The following ACACA variants were observed in gnomAD, a reference collection of about 807,000 sequenced individuals.
ACACA encodes the protein acetyl-CoA carboxylase alpha, also known as acetyl-CoA carboxylase 1.
In ACACA, 103 loss-of-function variants were observed where a neutral mutation model predicts 296.1. That is an observed-to-expected ratio of 0.35 (90% CI 0.30 to 0.41). The LOEUF is 0.41. Ranked by LOEUF, ACACA falls within the 10% of genes least tolerant of loss-of-function variation. ACACA has a pLI of 1.00. For missense variants in ACACA, 1,554 were observed against 2,989.7 expected, an observed-to-expected ratio of 0.52 and a Z score of 11.20; for synonymous variants, 953 against 1,038.6, an observed-to-expected ratio of 0.92 and a Z score of 1.58.
chr17:37,335,006 C>T (rs989310858), intron 2 of ACACA, among the ~76,000 whole-genome samples: 2 of 152,080 alleles, frequency 1.3e-5, no homozygotes, highest in East Asian at 3.9e-4. Context: ...TTCACTCATA[C>T]CAGTATGTCT....
chr17:37,086,419 A>G lies in ACACA; in HGVS notation c.*897T>C, dbSNP rs2072204571. 1 of 152,276 alleles carries G rather than the reference A, an allele frequency of 6.6e-6. No homozygotes were observed. 9.4% of individuals were successfully genotyped at this position (152,276 alleles called of 1,614,324 possible). A position where few individuals can be genotyped will look rare whatever the true frequency, so the allele number is the denominator to read the frequency against. Reference sequence around the variant, plus strand: ...ATCTCACTGGCTCTCCACATGGCATAAATAACTAGTTTCCACCAGTGCAGA... The same window carrying G: ...ATCTCACTGGCTCTCCACATGGCATGAATAACTAGTTTCCACCAGTGCAGA... On this transcript the variant is annotated 3_prime_UTR_variant, in exon 56 of 56. Transcript: ENST00000616317.
intron 1 of ACACA, among the ~76,000 whole-genome samples, chr17:37,395,378 T>C (rs1229103148): frequency 1.7e-4 from 26 of 148,850 alleles, no homozygotes; most frequent in Admixed American, 1.2e-3. Flanking sequence ...TGCGGTGAGC[T>C]GAGATCGTGT....
rs541290887 is a variant in ACACA at position 37,219,259 on chromosome 17, G to T, written c.3683+2465C>A. On this transcript the variant is annotated intron_variant, in intron 29 of 55. Transcript: ENST00000616317. ...TGGTGAACACATGGATGTGCTGAGAGGGTTGATAAACTCTGATTCCACAGG... is the reference window on the plus strand; with the variant it reads ...TGGTGAACACATGGATGTGCTGAGATGGTTGATAAACTCTGATTCCACAGG... Among the ~76,000 whole-genome samples the T allele has an allele frequency of 9.8e-5, 15 of 152,290 alleles. No individual in the cohort carries two copies. The South Asian group carries it at 1.9e-3, about 19-fold the overall frequency.
intron 52 of ACACA, among the ~76,000 whole-genome samples, chr17:37,099,067 G>A (rs1664307): frequency 9.9e-5 from 15 of 152,210 alleles, no homozygotes; most frequent in Admixed American, 2.0e-4. Flanking sequence ...ATAGGATGCA[G>A]AAGAGGAAGG....
chr17:37,346,623 A>G (rs1193457580), intron 1 of ACACA, among the ~76,000 whole-genome samples: 3 of 150,136 alleles, frequency 2.0e-5, no homozygotes, highest in Non-Finnish European at 4.4e-5. Context: ...AATGGCGTGA[A>G]CCTGAAAGGT....
intron 1 of ACACA, among the ~76,000 whole-genome samples, chr17:37,356,149 A>G (rs768021029): frequency 2.0e-5 from 3 of 152,026 alleles, no homozygotes; most frequent in Non-Finnish European, 2.9e-5. Context: ...GCCTGGGCAA[A>G]AGAGCGAGAC....
At chr17:37,382,707 A>G (rs960929202) in intron 1 of ACACA, among the ~76,000 whole-genome samples, 7 of 152,244 alleles carry the variant, frequency 4.6e-5, no homozygotes, top group African/African-American at 1.7e-4. Flanking sequence ...TAAAAATACA[A>G]AAATTAGCTG....
At chr17:37,348,760 G>C (rs1334943940) in intron 1 of ACACA, among the ~76,000 whole-genome samples, 1 of 151,752 alleles carries the variant, frequency 6.6e-6, no homozygotes, top group Non-Finnish European at 1.5e-5. Context: ...AGGAGATTGA[G>C]ACCACGGTGA....
At chr17:37,241,835 A>G in intron 23 of ACACA, 118 bp downstream of exon 23, 1 of 769,508 alleles carries the variant, frequency 1.3e-6, no homozygotes, top group Non-Finnish European at 2.3e-6. Context: ...TTTCTAAGAT[A>G]TAAGATGCTT....
chr17:37,384,289 T>A (rs1003375244), intron 1 of ACACA, among the ~76,000 whole-genome samples: 2 of 152,200 alleles, frequency 1.3e-5, no homozygotes, highest in Non-Finnish European at 2.9e-5. Flanking sequence ...TGGGTCAACA[T>A]GGAATGTAGA....
intron 45 of ACACA, among the ~76,000 whole-genome samples, chr17:37,139,703 G>A (rs2075483825): frequency 6.6e-6 from 1 of 152,244 alleles, no homozygotes; most frequent in South Asian, 2.1e-4. Context: ...TGGCACTGCA[G>A]GAGACCCCTA....
chr17:37,377,967 T>C, intron 1 of ACACA: 2 of 1,613,022 alleles, frequency 1.2e-6, no homozygotes, highest in South Asian at 1.1e-5. Flanking sequence ...AAATGCAAGG[T>C]AGGGAATGGG....
Position 37,280,449 on chromosome 17 carries a change from C to T in ACACA, c.611-2444G>A, listed in dbSNP as rs546503489. 3.3e-5 allele frequency among the ~76,000 whole-genome samples: 5 copies of T among 152,166 alleles called. No homozygotes were observed. In the East Asian group the frequency reaches 7.7e-4, roughly 23 times the overall value. On this transcript the variant is annotated intron_variant, in intron 5 of 55. Coordinates refer to ENST00000616317, the MANE Select transcript of ACACA (RefSeq NM_198834.3). Reference sequence around the variant, plus strand: ...CTTGAACTCCTGGGTTCAAGTGATCCGCCTGCCTTGGCCTCCCAAAGTGCT... The same window carrying T: ...CTTGAACTCCTGGGTTCAAGTGATCTGCCTGCCTTGGCCTCCCAAAGTGCT...
At chr17:37,127,200 A>G (rs2074831880) in intron 47 of ACACA, among the ~76,000 whole-genome samples, 1 of 152,216 alleles carries the variant, frequency 6.6e-6, no homozygotes. Flanking sequence ...TGAAAGAAGG[A>G]CTCAAATTTT....
intron 3 of ACACA, among the ~76,000 whole-genome samples, chr17:37,317,206 A>C (rs1336768001): frequency 6.6e-6 from 1 of 152,200 alleles, no homozygotes; most frequent in Non-Finnish European, 1.5e-5. Context: ...ATTTATCCTT[A>C]AGTGGTAAAA....
chr17:37,182,586 T>C lies in ACACA; in HGVS notation c.4777-1230A>G, dbSNP rs185594266. 7.2e-5 allele frequency among the ~76,000 whole-genome samples: 11 copies of C among 152,322 alleles called. No individual in the cohort carries two copies. In the East Asian group the frequency reaches 2.1e-3, roughly 29 times the overall value. On this transcript the variant is annotated intron_variant, in intron 39 of 55. Coordinates refer to ENST00000616317, the MANE Select transcript of ACACA (RefSeq NM_198834.3). ...TTCAATTCAATTAATATTTATTGAG[T>C]GCCCAGAGGTTGTATAACACTAAAC...
intron 1 of ACACA, among the ~76,000 whole-genome samples, chr17:37,368,058 G>T (rs2049670553): frequency 6.6e-6 from 1 of 151,676 alleles, no homozygotes; most frequent in African/African-American, 2.4e-5. Flanking sequence ...GACAGAGTGA[G>T]ACTCCGTCTC....
At chr17:37,205,460 A>G (rs2078454339) in intron 33 of ACACA, among the ~76,000 whole-genome samples, 1 of 152,182 alleles carries the variant, frequency 6.6e-6, no homozygotes, top group Admixed American at 6.5e-5. Context: ...GTGGAAAGTC[A>G]CCAAAGGAAA....
At chr17:37,287,375 C>T (rs781096767) in intron 3 of ACACA, among the ~76,000 whole-genome samples, 20 of 152,054 alleles carry the variant, frequency 1.3e-4, no homozygotes, top group Non-Finnish European at 2.1e-4. Context: ...GGCATTTTCC[C>T]TATACTTCAC....
Sources: allele counts gnomAD v4.1 joint callset (sites outside exome capture counted in the v4.1 genomes callset), GRCh38; gene constraint gnomAD v4.1.1; transcripts MANE v1.5; gene names NCBI Gene and HGNC (gene_info 2026-07-23, HGNC 2026-07-21).